MYZAP: variants seen among roughly 807,000 people sequenced by gnomAD.
MYZAP encodes GRINL1A complex locus upstream.
Under a neutral mutation model 69.4 loss-of-function variants are expected in MYZAP, and 66 were observed. The ratio of observed to expected loss-of-function variants is 0.95; its 90% CI spans 0.78 to 1.17. The LOEUF (loss-of-function observed/expected upper bound fraction) is 1.17. Ranked by LOEUF, MYZAP falls within the 50% of genes most tolerant of loss-of-function variation. MYZAP has a pLI of 0.00. For synonymous variants in MYZAP, 256 were observed against 205.9 expected (o/e 1.24, Z -2.09); for missense variants, 611 against 556.2 (o/e 1.10, Z -0.99).
At chr15:57,602,909 G>A (rs1457015177) in intron 1 of MYZAP, among the ~76,000 whole-genome samples, 1 of 152,104 alleles carries the variant, frequency 6.6e-6, no homozygotes, top group African/African-American at 2.4e-5. Flanking sequence ...TACTGTTATT[G>A]TCCCCTCGTA....
intron 10 of MYZAP, among the ~76,000 whole-genome samples, chr15:57,640,509 G>T (rs950353372): frequency 5.3e-5 from 8 of 152,080 alleles, no homozygotes; most frequent in African/African-American, 1.9e-4. Context: ...ACTTTAAAAA[G>T]TTATGTTTTA....
chr15:57,596,499 G>A (rs1476375235), intron 1 of MYZAP, among the ~76,000 whole-genome samples: 1 of 152,196 alleles, frequency 6.6e-6, no homozygotes, highest in East Asian at 1.9e-4. Context: ...GAGCAATACA[G>A]TGGTGTTTAC....
chr15:57,682,682 A>C (rs777452212), intron 12 of MYZAP, among the ~76,000 whole-genome samples: 2 of 152,184 alleles, frequency 1.3e-5, no homozygotes, highest in Non-Finnish European at 2.9e-5. Context: ...AGCCAGGGAC[A>C]TGGGACCCTT....
At chr15:57,608,634 A>G (rs2034912296) in intron 2 of MYZAP, among the ~76,000 whole-genome samples, 2 of 152,218 alleles carry the variant, frequency 1.3e-5, no homozygotes, top group South Asian at 4.1e-4. Context: ...TCAAATTGTA[A>G]ATAAGCTAAT....
intron 5 of MYZAP, among the ~76,000 whole-genome samples, chr15:57,629,464 C>A (rs770398912): frequency 5.9e-5 from 9 of 152,142 alleles, no homozygotes; most frequent in Non-Finnish European, 7.4e-5. Context: ...GTGGTGTTGG[C>A]AGCAGCTATG....
At chr15:57,652,503 A>G (rs1366558245) in intron 10 of MYZAP, among the ~76,000 whole-genome samples, 2 of 152,230 alleles carry the variant, frequency 1.3e-5, no homozygotes, top group African/African-American at 4.8e-5. Flanking sequence ...GACTTCCAAA[A>G]TAGAATTAAG....
chr15:57,612,427 C>CT (rs1567205239), intron 2 of MYZAP, among the ~76,000 whole-genome samples: 1 of 152,096 alleles, frequency 6.6e-6, no homozygotes, highest in Non-Finnish European at 1.5e-5. Flanking sequence ...AAGGGATTTT[C>CT]TTTTTTTGCA....
intron 2 of MYZAP, among the ~76,000 whole-genome samples, chr15:57,613,410 G>T (rs1053967586): frequency 6.6e-6 from 1 of 151,418 alleles, no homozygotes; most frequent in African/African-American, 2.4e-5. Flanking sequence ...TTTCTCTGTC[G>T]CCCAGGCTGG....
intron 2 of MYZAP, among the ~76,000 whole-genome samples, chr15:57,613,615 C>G (rs2035251008): frequency 6.6e-6 from 1 of 152,088 alleles, no homozygotes; most frequent in South Asian, 2.1e-4. Flanking sequence ...AAGCAATCTG[C>G]CTGCCTTGGC....
In MYZAP at chr15:57,602,611, A is replaced by G. The variant is rs184606903; in HGVS notation, c.76-1658A>G. 4.8e-3 allele frequency among the ~76,000 whole-genome samples: 733 copies of G among 152,326 alleles called. 10 individuals are homozygous for G. The highest frequency in any genetic ancestry group is 0.017 in the African/African-American group (692 of 41,562). On this transcript the variant is annotated intron_variant, in intron 1 of 12. Coordinates refer to ENST00000267853, the MANE Select transcript of MYZAP (RefSeq NM_001018100.5). ...TTTAGAGGGATGCAATTCAACCCAT[A>G]TTAGGGAGCCAACAGCACTCCCGCG...
chr15:57,674,605 T>C (rs1476947781), intron 11 of MYZAP, among the ~76,000 whole-genome samples: 1 of 152,230 alleles, frequency 6.6e-6, no homozygotes, highest in African/African-American at 2.4e-5. Flanking sequence ...AATGTATCCA[T>C]AGAATGGAAT....
intron 12 of MYZAP, among the ~76,000 whole-genome samples, chr15:57,676,472 A>G (rs1282573931): frequency 6.8e-6 from 1 of 146,452 alleles, no homozygotes; most frequent in Non-Finnish European, 1.5e-5. Flanking sequence ...ATATATACAT[A>G]TATATAGACT....
At chr15:57,645,019 C>T (rs72745506) in intron 10 of MYZAP, among the ~76,000 whole-genome samples, 6,662 of 152,282 alleles carry the variant, frequency 0.044, 207 homozygotes, top group African/African-American at 0.077. Flanking sequence ...GTGTCTGCCT[C>T]GCCCTGCTTT....
intron 10 of MYZAP, chr15:57,647,275 ACGGTGC>A: frequency 1.0e-6 from 1 of 985,452 alleles, no homozygotes; most frequent in African/African-American, 1.7e-5. Context: ...TCACCTGTGC[ACGGTGC>A]TGTGTTTAGA....
At chr15:57,666,521 A>G (rs1489236772) in intron 11 of MYZAP, among the ~76,000 whole-genome samples, 2 of 152,200 alleles carry the variant, frequency 1.3e-5, no homozygotes, top group Non-Finnish European at 1.5e-5. Flanking sequence ...ATGACACAGC[A>G]GACTCCTAAA....
intron 1 of MYZAP, among the ~76,000 whole-genome samples, chr15:57,593,194 A>G (rs1193932811): frequency 1.3e-4 from 8 of 63,326 alleles, no homozygotes; most frequent in Admixed American, 3.7e-4. Flanking sequence ...AGGCGCACAC[A>G]CACACACACA....
chr15:57,635,909 TCAG>T (rs1479990309), intron 8 of MYZAP, among the ~76,000 whole-genome samples: 1 of 152,204 alleles, frequency 6.6e-6, no homozygotes, highest in East Asian at 1.9e-4. Flanking sequence ...TTTTTTCTGA[TCAG>T]TAAAAATCTT....
chr15:57,615,659 A>G (rs1252347631), intron 2 of MYZAP, among the ~76,000 whole-genome samples: 5 of 152,242 alleles, frequency 3.3e-5, no homozygotes, highest in African/African-American at 1.2e-4. Flanking sequence ...GAGTTTCATT[A>G]GAGCTTTTCC....
In MYZAP at chr15:57,624,687, T is replaced by C. The variant is rs1234615200; in HGVS notation, c.412-1092T>C. ...CCCTCATTTTCTCATGCTAGAATTG[T>C]CCCAGAAACCCTGTCTCTCTGCCTA... On this transcript the variant is annotated intron_variant, in intron 4 of 12. Transcript: ENST00000267853. 2.6e-5 allele frequency among the ~76,000 whole-genome samples: 4 copies of C among 152,238 alleles called. No homozygotes were observed. The East Asian group carries it at 7.7e-4, about 29-fold the overall frequency.
Sources: allele counts gnomAD v4.1 joint callset (sites outside exome capture counted in the v4.1 genomes callset), GRCh38; gene constraint gnomAD v4.1.1; transcripts MANE v1.5; gene names NCBI Gene and HGNC (gene_info 2026-07-23, HGNC 2026-07-21).